The following ATRNL1 variants were observed in gnomAD, a reference collection of about 807,000 sequenced individuals.
ATRNL1 encodes attractin like 1, also known as attractin-like protein 1.
A neutral mutation model predicts 182.7 loss-of-function variants in ATRNL1; 95 were observed. That is an observed-to-expected ratio of 0.52 (90% CI 0.44 to 0.62). ATRNL1 has a LOEUF of 0.62. ATRNL1 is among the 20% of genes least tolerant of loss of function. The pLI, the probability that ATRNL1 is intolerant of heterozygous loss-of-function variation, is 0.00. For synonymous variants in ATRNL1, 576 were observed against 568.3 expected (o/e 1.01, Z -0.19); for missense variants, 1,471 against 1,679.5 (o/e 0.88, Z 2.17).
At chr10:115,527,287 T>A (rs1554986814) in intron 25 of ATRNL1, among the ~76,000 whole-genome samples, 1 of 151,798 alleles carries the variant, frequency 6.6e-6, no homozygotes, top group Non-Finnish European at 1.5e-5. Flanking sequence ...GCTGACTAAG[T>A]TTTTTGTATT....
At chr10:115,868,074 C>G (rs529437145) in intron 28 of ATRNL1, among the ~76,000 whole-genome samples, 10 of 152,016 alleles carry the variant, frequency 6.6e-5, no homozygotes, top group Non-Finnish European at 8.8e-5. Context: ...CATGATGTGA[C>G]TTTTATACAA....
intron 19 of ATRNL1, among the ~76,000 whole-genome samples, chr10:115,341,906 TTATTTGTAAAA>T (rs1471944359): frequency 6.6e-6 from 1 of 152,150 alleles, no homozygotes; most frequent in Non-Finnish European, 1.5e-5. Context: ...ACATGTGTCT[TTATTTGTAAAA>T]TATGTTTATT....
At chr10:115,761,237 A>G (rs1286160667) in intron 27 of ATRNL1, among the ~76,000 whole-genome samples, 3 of 152,228 alleles carry the variant, frequency 2.0e-5, no homozygotes, top group African/African-American at 7.2e-5. Context: ...GGCCTCAAAT[A>G]CTGTTAAAAC....
intron 22 of ATRNL1, among the ~76,000 whole-genome samples, chr10:115,466,731 T>A (rs1554970867): frequency 2.0e-5 from 3 of 151,150 alleles, no homozygotes; most frequent in Admixed American, 1.3e-4. Context: ...ATGGGTTTAA[T>A]AATAAAAATG....
intron 26 of ATRNL1, among the ~76,000 whole-genome samples, chr10:115,587,468 G>A (rs1257770855): frequency 5.3e-5 from 8 of 151,938 alleles, no homozygotes; most frequent in South Asian, 4.2e-4. Context: ...GTGGTGTGCC[G>A]TTGTTTTAGC....
intron 28 of ATRNL1, among the ~76,000 whole-genome samples, chr10:115,862,714 A>G (rs2134394925): frequency 6.6e-6 from 1 of 152,324 alleles, no homozygotes; most frequent in South Asian, 2.1e-4. Flanking sequence ...ACCCTAAAAT[A>G]CACCTCCAGC....
intron 26 of ATRNL1, among the ~76,000 whole-genome samples, chr10:115,595,522 T>G (rs1856186046): frequency 6.6e-6 from 1 of 152,182 alleles, no homozygotes; most frequent in African/African-American, 2.4e-5. Flanking sequence ...AAGGCAGTAG[T>G]TAAGAGCTTA....
At chr10:115,435,825 T>A (rs1423331217) in intron 21 of ATRNL1, among the ~76,000 whole-genome samples, 1 of 152,180 alleles carries the variant, frequency 6.6e-6, no homozygotes, top group Non-Finnish European at 1.5e-5. Flanking sequence ...TTTAGGTTTT[T>A]AAGTAAAATG....
chr10:115,904,310 C>G (rs1274114925), intron 28 of ATRNL1, among the ~76,000 whole-genome samples: 1 of 152,144 alleles, frequency 6.6e-6, no homozygotes, highest in Non-Finnish European at 1.5e-5. Context: ...GGTTTTGAGT[C>G]AACTGTGCTC....
chr10:115,664,977 C>T (rs1860917388), intron 26 of ATRNL1, among the ~76,000 whole-genome samples: 2 of 152,002 alleles, frequency 1.3e-5, no homozygotes, highest in Admixed American at 6.6e-5. Flanking sequence ...AATTTTAAAG[C>T]CAAAGATAAA....
intron 25 of ATRNL1, among the ~76,000 whole-genome samples, chr10:115,523,855 A>G (rs575592842): frequency 3.9e-5 from 6 of 152,326 alleles, no homozygotes; most frequent in African/African-American, 1.4e-4. Flanking sequence ...ATAGCAACAT[A>G]CCACTTCCTG....
intron 15 of ATRNL1, among the ~76,000 whole-genome samples, chr10:115,291,830 T>TTTTTTTTA: frequency 6.8e-6 from 1 of 147,212 alleles, no homozygotes; most frequent in African/African-American, 2.5e-5. Flanking sequence ...TTTTTTTTTT[T>TTTTTTTTA]AATGTCCTTG....
intron 17 of ATRNL1, among the ~76,000 whole-genome samples, chr10:115,306,850 A>G (rs1853759668): frequency 6.6e-6 from 1 of 152,220 alleles, no homozygotes; most frequent in Admixed American, 6.5e-5. Flanking sequence ...TACAGTGCAA[A>G]TATAAAAATT....
In ATRNL1 at chr10:115,405,692, C is replaced by CT. The variant is rs35948060; in HGVS notation, c.3269+10951dup. On this transcript the variant is annotated intron_variant, in intron 20 of 28. Transcript: ENST00000355044. ...CACACTTCATTCATTTGCCTGTTTT[C>CT]TTTTTTTTTTTAATTATACTTTAAG... Among the ~76,000 whole-genome samples the CT allele has an allele frequency of 5.7e-3, 843 of 146,902 alleles. 6 individuals are homozygous for CT. Among genetic ancestry groups the CT allele is most frequent in the African/African-American group, 0.018 (708 of 40,012 alleles).
intron 27 of ATRNL1, among the ~76,000 whole-genome samples, chr10:115,728,032 T>C (rs1186554491): frequency 3.3e-5 from 5 of 150,154 alleles, no homozygotes; most frequent in Admixed American, 2.0e-4. Context: ...TCCCAGCACT[T>C]TGGGAGGCCA....
At chr10:115,774,182 C>T (rs1471491703) in intron 27 of ATRNL1, among the ~76,000 whole-genome samples, 1 of 152,040 alleles carries the variant, frequency 6.6e-6, no homozygotes, top group Non-Finnish European at 1.5e-5. Flanking sequence ...AGTAGATTCA[C>T]TTTGGGAGGC....
Position 115,944,881 on chromosome 10 carries a change from T to G in ATRNL1, c.*102T>G. ...TTTATGGAGGCAGATCTCTGTATCA[T>G]CCAGAGCCTGAGTACAGTTTCCTTC... On this transcript the variant is annotated 3_prime_UTR_variant, in exon 29 of 29. Transcript: ENST00000355044. The G allele has an allele frequency of 7.5e-7, 1 of 1,338,804 alleles. No individual in the cohort carries two copies. The highest frequency in any genetic ancestry group is 9.9e-7 in the Non-Finnish European group (1 of 1,010,290). 82.9% of individuals were successfully genotyped at this position (1,338,804 alleles called of 1,614,324 possible).
At chr10:115,346,245 T>TA (rs1287726517) in intron 19 of ATRNL1, among the ~76,000 whole-genome samples, 3 of 152,126 alleles carry the variant, frequency 2.0e-5, no homozygotes, top group Non-Finnish European at 4.4e-5. Context: ...CTATAACCAT[T>TA]AAAAAATAGC....
At chr10:115,651,905 A>G (rs1204526299) in intron 26 of ATRNL1, among the ~76,000 whole-genome samples, 2 of 152,138 alleles carry the variant, frequency 1.3e-5, no homozygotes, top group Non-Finnish European at 2.9e-5. Flanking sequence ...GCCAACTAAA[A>G]GATACTTGTA....
Sources: allele counts gnomAD v4.1 joint callset (sites outside exome capture counted in the v4.1 genomes callset), GRCh38; gene constraint gnomAD v4.1.1; transcripts MANE v1.5; gene names NCBI Gene and HGNC (gene_info 2026-07-23, HGNC 2026-07-21).